Variants in IMPG1 observed in about 807,000 individuals in gnomAD.
The protein encoded by IMPG1 is interphotoreceptor matrix proteoglycan of 150 kDa.
In IMPG1, 85 loss-of-function variants were observed where a neutral mutation model predicts 92.0. That is an observed-to-expected ratio of 0.92 (90% CI 0.78 to 1.11). The LOEUF (loss-of-function observed/expected upper bound fraction) is 1.11, where lower values mean the gene tolerates loss of function less well. Ranked by LOEUF, IMPG1 falls within the 50% of genes least tolerant of loss-of-function variation. The pLI, the probability that IMPG1 is intolerant of heterozygous loss-of-function variation, is 0.00. For missense variants in IMPG1, 1,022 were observed against 956.0 expected (o/e 1.07, Z -0.91); for synonymous variants, 367 against 334.1 (o/e 1.10, Z -1.08).
chr6:76,067,324 T>C (rs1273257205), intron 1 of IMPG1, among the ~76,000 whole-genome samples: 3 of 151,838 alleles, frequency 2.0e-5, no homozygotes, highest in Non-Finnish European at 4.4e-5. Flanking sequence ...AGAAAATTCA[T>C]ATAAGCACAA....
intron 1 of IMPG1, among the ~76,000 whole-genome samples, chr6:76,053,163 C>A (rs531739420): frequency 6.6e-6 from 1 of 152,254 alleles, no homozygotes; most frequent in African/African-American, 2.4e-5. Context: ...CCATAAGTTT[C>A]AGAATGTGGA....
intron 1 of IMPG1, among the ~76,000 whole-genome samples, chr6:76,058,359 G>T (rs1414893869): frequency 6.6e-6 from 1 of 152,124 alleles, no homozygotes; most frequent in Non-Finnish European, 1.5e-5. Flanking sequence ...AGTAGAAGGA[G>T]GTGATAATAG....
At chr6:75,941,012 T>C (rs1781830251) in intron 14 of IMPG1, among the ~76,000 whole-genome samples, 1 of 152,244 alleles carries the variant, frequency 6.6e-6, no homozygotes, top group Admixed American at 6.5e-5. Flanking sequence ...TCATAAGATT[T>C]CTTTCTGCTG....
intron 7 of IMPG1, among the ~76,000 whole-genome samples, chr6:76,012,967 T>C (rs1210763580): frequency 6.6e-6 from 1 of 151,836 alleles, no homozygotes; most frequent in East Asian, 1.9e-4. Flanking sequence ...CCACCGACTC[T>C]GGTTGGTTTG....
At chr6:76,071,318 A>G (rs991019024) in intron 1 of IMPG1, among the ~76,000 whole-genome samples, 5 of 150,606 alleles carry the variant, frequency 3.3e-5, no homozygotes, top group African/African-American at 9.7e-5. Flanking sequence ...TCTACGAAAT[A>G]GTCAAATTGG....
At chr6:75,969,251 A>G (rs577738984) in intron 12 of IMPG1, among the ~76,000 whole-genome samples, 10 of 152,242 alleles carry the variant, frequency 6.6e-5, no homozygotes, top group Middle Eastern at 3.4e-3. Context: ...CATGATGACT[A>G]TAGTTAATAG....
intron 12 of IMPG1, among the ~76,000 whole-genome samples, chr6:75,967,694 A>C (rs1258283905): frequency 6.6e-6 from 1 of 152,214 alleles, no homozygotes; most frequent in Non-Finnish European, 1.5e-5. Flanking sequence ...AAAACAAAAA[A>C]CATGTGGGTA....
At chr6:76,050,811 C>A (rs906421560) in intron 1 of IMPG1, among the ~76,000 whole-genome samples, 1 of 152,126 alleles carries the variant, frequency 6.6e-6, no homozygotes, top group Non-Finnish European at 1.5e-5. Context: ...AGCTATTTAA[C>A]CTTGTAGGCA....
At chr6:76,028,821 GA>G (rs537703567) in intron 4 of IMPG1, among the ~76,000 whole-genome samples, 19 of 145,818 alleles carry the variant, frequency 1.3e-4, no homozygotes, top group East Asian at 7.9e-4. Context: ...TCCGTCTCAA[GA>G]AAAAAAAAAA....
At chr6:75,976,158 T>C (rs758832205) in intron 12 of IMPG1, among the ~76,000 whole-genome samples, 2 of 152,236 alleles carry the variant, frequency 1.3e-5, no homozygotes, top group African/African-American at 2.4e-5. Flanking sequence ...TCAATATGTG[T>C]TCATTTTACA....
chr6:76,014,925 A>G (rs1217666682), intron 7 of IMPG1, among the ~76,000 whole-genome samples: 1 of 152,188 alleles, frequency 6.6e-6, no homozygotes, highest in Non-Finnish European at 1.5e-5. Context: ...GCATCTAGGG[A>G]GGATATGACA....
At chr6:76,020,154 G>A (rs1783392852) in intron 6 of IMPG1, among the ~76,000 whole-genome samples, 1 of 152,110 alleles carries the variant, frequency 6.6e-6, no homozygotes. Flanking sequence ...CCGGGCTCAA[G>A]CAATCCTCCC....
At chr6:76,013,222 C>G (rs1374170161) in intron 7 of IMPG1, among the ~76,000 whole-genome samples, 1 of 151,984 alleles carries the variant, frequency 6.6e-6, no homozygotes, top group Non-Finnish European at 1.5e-5. Flanking sequence ...TGAACAAGAT[C>G]CAACTGTTTA....
At position 76,050,764 on chromosome 6, in the gene IMPG1, C is replaced by T. The variant is rs562462780; in HGVS notation, c.68-8638G>A. On this transcript the variant is annotated intron_variant, in intron 1 of 16. Coordinates refer to ENST00000369950, the MANE Select transcript of IMPG1 (RefSeq NM_001563.4). The stretch of plus-strand genomic sequence containing the variant: ...TGGATACTTACCAACCTGTTTGGAC[C>T]ATTCCTCACCAAACTCTTCTAGAGG... Among the ~76,000 whole-genome samples the T allele has an allele frequency of 3.9e-5, 6 of 152,316 alleles. No homozygotes were observed. The South Asian group carries it at 1.2e-3, about 32-fold the overall frequency.
chr6:76,057,042 G>A (rs575845676), intron 1 of IMPG1, among the ~76,000 whole-genome samples: 1 of 152,230 alleles, frequency 6.6e-6, no homozygotes, highest in Middle Eastern at 3.4e-3. Context: ...AACTAATTCA[G>A]CAACAGAAAA....
intron 1 of IMPG1, among the ~76,000 whole-genome samples, chr6:76,066,973 C>T (rs79382069): frequency 6.2e-4 from 94 of 151,716 alleles, no homozygotes; most frequent in African/African-American, 2.1e-3. Context: ...AAAATTAACA[C>T]GGAAATTAAA....
Position 76,010,272 on chromosome 6 carries a change from C to T in IMPG1, c.866+894G>A, listed in dbSNP as rs549328071. ...CCAGAAACACTTCTGGGGGAGCCCA[C>T]GCTCCCTGGTTTACAAAGCTCGTTT... On this transcript the variant is annotated intron_variant, in intron 8 of 16. Transcript: ENST00000369950. 3.9e-5 allele frequency among the ~76,000 whole-genome samples: 6 copies of T among 152,288 alleles called. No individual in the cohort carries two copies. In the South Asian group the frequency reaches 1.0e-3, roughly 26 times the overall value.
rs373222058 is a variant in IMPG1 at position 76,072,438 on chromosome 6, T to C, written c.51A>G (p.Gln17=). 84 of 1,588,496 alleles carry C rather than the reference T, an allele frequency of 5.3e-5. No homozygotes were observed. Among genetic ancestry groups the C allele is most frequent in the Non-Finnish European group, 6.5e-5 (75 of 1,160,134 alleles). The change falls in exon 1 of 17, where the codon CAA becomes CAG. Residue 17 remains glutamine, a synonymous_variant. Transcript: ENST00000369950. ...RAIFVFWIFL[Q]VQGTKDISIN... ...GTAACTTACCTTTGGTTCCTTGAACTTGGAGAAAAATCCAAAAAACAAAAA... is the reference window on the plus strand; with the variant it reads ...GTAACTTACCTTTGGTTCCTTGAACCTGGAGAAAAATCCAAAAAACAAAAA...
chr6:75,986,072 T>C (rs978808564), intron 12 of IMPG1, among the ~76,000 whole-genome samples: 17 of 152,180 alleles, frequency 1.1e-4, no homozygotes, highest in African/African-American at 3.9e-4. Context: ...TTATTTACAA[T>C]TTTGACATGT....
Sources: gnomAD v4.1 joint callset for allele counts (sites outside exome capture counted in the v4.1 genomes callset) on GRCh38, gnomAD v4.1.1 for gene constraint, MANE v1.5 for transcripts, NCBI Gene and HGNC (gene_info 2026-07-23, HGNC 2026-07-21) for gene names.